CFAP92: variants seen among roughly 807,000 people sequenced by gnomAD.
CFAP92 encodes uncharacterized protein CFAP92.
CFAP92 carries 86 observed loss-of-function variants against 106.3 expected under a neutral mutation model. The observed-to-expected ratio is 0.81, with a 90% CI of 0.68 to 0.97. The LOEUF (loss-of-function observed/expected upper bound fraction) is 0.97. Among genes scored for constraint, CFAP92 ranks in the 50% least tolerant of loss-of-function variants. CFAP92 has a pLI of 0.00. For synonymous variants in CFAP92, 477 were observed against 506.4 expected, an observed-to-expected ratio of 0.94 and a Z score of 0.78; for missense variants, 1,204 against 1,283.8, an observed-to-expected ratio of 0.94 and a Z score of 0.95.
chr3:128,960,154 CTT>C (rs749098543), intron 9 of CFAP92, among the ~76,000 whole-genome samples: 4 of 152,238 alleles, frequency 2.6e-5, no homozygotes, highest in Non-Finnish European at 4.4e-5. Context: ...CGCTGACTCT[CTT>C]TTCGGACTCA....
At chr3:129,000,818 AT>A (rs1179334502) in intron 1 of CFAP92, among the ~76,000 whole-genome samples, 1 of 152,202 alleles carries the variant, frequency 6.6e-6, no homozygotes, top group East Asian at 1.9e-4. Context: ...CGAGAGTCCT[AT>A]CCCCACCCCC....
At chr3:128,990,683 G>A (rs1000427292) in intron 2 of CFAP92, among the ~76,000 whole-genome samples, 2 of 151,878 alleles carry the variant, frequency 1.3e-5, no homozygotes, top group East Asian at 3.9e-4. Flanking sequence ...ATCACCTAAG[G>A]TCAGGAGTTC....
At position 128,981,072 on chromosome 3, in the gene CFAP92, C is replaced by A. The variant is rs1016030187; in HGVS notation, c.668-2887G>T. 2.6e-5 allele frequency among the ~76,000 whole-genome samples: 4 copies of A among 151,090 alleles called. No homozygotes were observed. In the South Asian group the frequency reaches 8.4e-4, roughly 32 times the overall value. On this transcript the variant is annotated intron_variant, in intron 4 of 15. Transcript: ENST00000645291. Reference sequence around the variant, plus strand: ...TTTTTTTCGAGGCAGAGTCTCGCTCCGTCACCCAGGCTGGAGTGCAGTGGT... The same window carrying A: ...TTTTTTTCGAGGCAGAGTCTCGCTCAGTCACCCAGGCTGGAGTGCAGTGGT...
chr3:129,007,394 T>C (rs1945120539), upstream of CFAP92, among the ~76,000 whole-genome samples: 1 of 152,148 alleles, frequency 6.6e-6, no homozygotes, highest in Non-Finnish European at 1.5e-5. Flanking sequence ...CATCACACCC[T>C]CTTAAGTGAC....
chr3:128,927,723 CAA>C (rs569749049), intron 12 of CFAP92, among the ~76,000 whole-genome samples: 19 of 107,682 alleles, frequency 1.8e-4, no homozygotes, highest in African/African-American at 1.5e-4. Flanking sequence ...GACTCTGTCT[CAA>C]AAAAAAAAAA....
the CFAP92 span, among the ~76,000 whole-genome samples, chr3:129,024,235 G>A: frequency 6.6e-6 from 1 of 152,050 alleles, no homozygotes; most frequent in South Asian, 2.1e-4. Flanking sequence ...AATTTATAAA[G>A]AAAAGAAATT....
intron 10 of CFAP92, among the ~76,000 whole-genome samples, chr3:128,939,488 A>G (rs1939403619): frequency 6.6e-6 from 1 of 152,116 alleles, no homozygotes; most frequent in Non-Finnish European, 1.5e-5. Flanking sequence ...CAACTTACCC[A>G]TTTGTAAAGT....
At chr3:128,953,680 G>T (rs1457290968) in intron 9 of CFAP92, among the ~76,000 whole-genome samples, 1 of 128,670 alleles carries the variant, frequency 7.8e-6, no homozygotes, top group Non-Finnish European at 1.5e-5. Context: ...AAGCTGGACT[G>T]TACTGCTGCC....
intron 10 of CFAP92, among the ~76,000 whole-genome samples, chr3:128,938,101 C>T (rs1482088791): frequency 2.0e-5 from 3 of 149,524 alleles, no homozygotes; most frequent in Non-Finnish European, 4.4e-5. Flanking sequence ...CATGGTGGCA[C>T]ATGCTTGTCG....
chr3:129,018,976 C>A, the CFAP92 span, among the ~76,000 whole-genome samples: 11 of 152,296 alleles, frequency 7.2e-5, no homozygotes, highest in East Asian at 3.9e-4. Context: ...ACTAGGCTGC[C>A]TCCAACTGCC....
chr3:128,914,384 A>AAG (rs1465708791), intron 15 of CFAP92, among the ~76,000 whole-genome samples: 1 of 152,150 alleles, frequency 6.6e-6, no homozygotes, highest in Non-Finnish European at 1.5e-5. Context: ...CAAATGGAGA[A>AAG]AGTGACATTT....
upstream of CFAP92, among the ~76,000 whole-genome samples, chr3:129,005,313 G>A (rs749728660): frequency 6.6e-6 from 1 of 152,222 alleles, no homozygotes; most frequent in Non-Finnish European, 1.5e-5. Flanking sequence ...ATGGAGAGAG[G>A]AGAAGAGAGA....
At chr3:128,996,305 A>G (rs1292744384), upstream of CFAP92, among the ~76,000 whole-genome samples, 1 of 152,220 alleles carries the variant, frequency 6.6e-6, no homozygotes, top group Non-Finnish European at 1.5e-5. Flanking sequence ...GAAATTGTAG[A>G]TTTATAAGCA....
At chr3:128,962,192 C>T (rs1239369196) in intron 9 of CFAP92, among the ~76,000 whole-genome samples, 1 of 152,188 alleles carries the variant, frequency 6.6e-6, no homozygotes, top group African/African-American at 2.4e-5. Flanking sequence ...CCGATCGCCT[C>T]GGAAGCCCCA....
intron 10 of CFAP92, among the ~76,000 whole-genome samples, chr3:128,938,967 C>G (rs1276074658): frequency 6.6e-6 from 1 of 152,158 alleles, no homozygotes; most frequent in African/African-American, 2.4e-5. Context: ...TGAGTTTCAG[C>G]AAGGCTTTAG....
In CFAP92 at chr3:128,915,156, G is replaced by A. The variant is rs1301161608; in HGVS notation, c.3243C>T (p.Leu1081=). Residue 1081 remains leucine, a synonymous_variant, in exon 15 of 16, where the codon CTC becomes CTT. Transcript: ENST00000645291. The part of the protein sequence containing the change: ...FDLYKKPPPF[L]ELLPSPAPKP... ...TTGGTGCGGGCGAAGGGAGCAGCTC[G>A]AGGAAAGGTGGTGGTTTCTTGTACA... 1.2e-5 allele frequency: 18 copies of A among 1,536,036 alleles called. No individual in the cohort carries two copies. The highest frequency in any genetic ancestry group is 3.9e-5 in the Admixed American group (2 of 50,984).
intron 10 of CFAP92, among the ~76,000 whole-genome samples, chr3:128,943,217 A>T (rs1290673190): frequency 6.6e-6 from 1 of 151,850 alleles, no homozygotes; most frequent in African/African-American, 2.4e-5. Context: ...TGTGCCCGGC[A>T]AAACTCAACC....
chr3:128,967,565 G>A (rs1375894828), intron 8 of CFAP92: 1 of 152,134 alleles, frequency 6.6e-6, no homozygotes, highest in African/African-American at 2.4e-5. Context: ...GCCGGACGTG[G>A]TAGCGCATGC....
intron 5 of CFAP92, among the ~76,000 whole-genome samples, chr3:128,977,807 C>T (rs183342530): frequency 6.6e-6 from 1 of 152,268 alleles, no homozygotes; most frequent in East Asian, 1.9e-4. Flanking sequence ...TGCAGTGAGC[C>T]AAGATCGTGC....
Sources: gnomAD v4.1 joint callset for allele counts (sites outside exome capture counted in the v4.1 genomes callset) on GRCh38, gnomAD v4.1.1 for gene constraint, MANE v1.5 for transcripts, NCBI Gene and HGNC (gene_info 2026-07-23, HGNC 2026-07-21) for gene names.